SRGAP2: variants seen among roughly 807,000 people sequenced by gnomAD.
The protein encoded by SRGAP2 is SLIT-ROBO Rho GTPase activating protein 2, also known as SLIT-ROBO Rho GTPase-activating protein 2.
In SRGAP2, 15 loss-of-function variants were observed where a neutral mutation model predicts 57.2. That is an observed-to-expected ratio of 0.26 (90% CI 0.18 to 0.40). SRGAP2 has a LOEUF of 0.40. Among genes scored for constraint, SRGAP2 ranks in the 10% least tolerant of loss-of-function variants. SRGAP2 has a pLI of 1.00. For missense variants in SRGAP2, 520 were observed against 669.6 expected (o/e 0.78, Z 2.47); for synonymous variants, 249 against 248.0 (o/e 1.00, Z -0.04).
intron 2 of SRGAP2, among the ~76,000 whole-genome samples, chr1:206,227,401 C>T (rs1293573583): frequency 6.6e-6 from 1 of 152,144 alleles, no homozygotes; most frequent in Admixed American, 6.5e-5. Context: ...GTCTTCTCAA[C>T]TGTAGACCTT....
At chr1:206,318,525 A>G (rs1208520926) in intron 3 of SRGAP2, among the ~76,000 whole-genome samples, 1 of 152,232 alleles carries the variant, frequency 6.6e-6, no homozygotes, top group Non-Finnish European at 1.5e-5. Context: ...ACAAATACAC[A>G]GTGTATTAGG....
At chr1:206,338,829 C>G (rs1553334369) in intron 3 of SRGAP2, among the ~76,000 whole-genome samples, 1 of 130,494 alleles carries the variant, frequency 7.7e-6, no homozygotes, top group Non-Finnish European at 1.6e-5. Flanking sequence ...AAAAATCTTG[C>G]ATAGAGCCTC....
At chr1:206,458,481 G>T in intron 21 of SRGAP2, 142 bp from the exon 22 acceptor site, 1 of 715,164 alleles carries the variant, frequency 1.4e-6, no homozygotes, top group Non-Finnish European at 2.6e-6. Context: ...TGCAAGAGAA[G>T]ATGAAGCCGA....
intron 2 of SRGAP2, among the ~76,000 whole-genome samples, chr1:206,268,193 T>G (rs1377199696): frequency 2.6e-5 from 4 of 151,474 alleles, no homozygotes; most frequent in East Asian, 3.9e-4. Flanking sequence ...CCATTAACTC[T>G]TCATTTACAA....
At chr1:206,445,662 G>C (rs1662692679) in intron 17 of SRGAP2, among the ~76,000 whole-genome samples, 1 of 152,100 alleles carries the variant, frequency 6.6e-6, no homozygotes, top group Non-Finnish European at 1.5e-5. Flanking sequence ...TCTTTACCAG[G>C]GCAGCCTGAG....
chr1:206,319,014 A>G (rs1333996124), intron 3 of SRGAP2, among the ~76,000 whole-genome samples: 19 of 152,150 alleles, frequency 1.2e-4, no homozygotes, highest in African/African-American at 4.1e-4. Context: ...GACGCAACTC[A>G]GGTTTTTATG....
intron 14 of SRGAP2, among the ~76,000 whole-genome samples, chr1:206,434,057 TG>T (rs1661513267): frequency 6.6e-6 from 1 of 152,214 alleles, no homozygotes. Context: ...AAAATTTTTG[TG>T]TATAGGCATC....
chr1:206,331,849 T>C (rs1327682784), intron 3 of SRGAP2, among the ~76,000 whole-genome samples: 1 of 84,066 alleles, frequency 1.2e-5, no homozygotes, highest in Middle Eastern at 4.2e-3. Context: ...GATCCTGTCA[T>C]TATGATGTTA....
intron 22 of SRGAP2, 63 bp from the exon 23 acceptor site, chr1:206,460,974 A>G: frequency 1.5e-6 from 1 of 659,038 alleles, no homozygotes; most frequent in Non-Finnish European, 2.7e-6. Flanking sequence ...GTGTTGTTGA[A>G]ACCGGCTCCT....
intron 12 of SRGAP2, among the ~76,000 whole-genome samples, chr1:206,420,067 C>T (rs1052304703): frequency 1.3e-5 from 2 of 152,118 alleles, no homozygotes; most frequent in East Asian, 3.9e-4. Context: ...ATTCATTCAT[C>T]CAGCAGTTCT....
At chr1:206,283,675 C>CAA (rs1240979603) in intron 2 of SRGAP2, among the ~76,000 whole-genome samples, 1 of 120,402 alleles carries the variant, frequency 8.3e-6, no homozygotes, top group African/African-American at 3.1e-5. Context: ...GACTCTGTCT[C>CAA]AAAAAAAAAA....
chr1:206,386,161 G>C (rs2103071291), intron 5 of SRGAP2, among the ~76,000 whole-genome samples: 1 of 152,276 alleles, frequency 6.6e-6, no homozygotes, highest in East Asian at 1.9e-4. Flanking sequence ...CTAGAGGCCA[G>C]GGGTGCTGCT....
chr1:206,360,582 G>C (rs1410523811), intron 4 of SRGAP2, among the ~76,000 whole-genome samples: 1 of 152,200 alleles, frequency 6.6e-6, no homozygotes, highest in East Asian at 1.9e-4. Flanking sequence ...ATGGTGAGAA[G>C]TGGTCAAATT....
At chr1:206,278,425 T>C (rs1670544526) in intron 2 of SRGAP2, among the ~76,000 whole-genome samples, 1 of 142,930 alleles carries the variant, frequency 7.0e-6, no homozygotes, top group Non-Finnish European at 1.5e-5. Context: ...GATAGCTCAT[T>C]GCAGCCTCCA....
At chr1:206,220,840 TC>T (rs1175517285) in intron 2 of SRGAP2, among the ~76,000 whole-genome samples, 2 of 151,966 alleles carry the variant, frequency 1.3e-5, no homozygotes, top group African/African-American at 4.8e-5. Context: ...TCCTGTCCCC[TC>T]CCCTCCTCAC....
intron 15 of SRGAP2, among the ~76,000 whole-genome samples, chr1:206,437,285 C>T (rs577843509): frequency 2.7e-4 from 41 of 152,290 alleles, no homozygotes; most frequent in Non-Finnish European, 4.4e-4. Flanking sequence ...GATGATCTGC[C>T]AAAACCCAAG....
chr1:206,324,835 A>T (rs1289256441), intron 3 of SRGAP2, among the ~76,000 whole-genome samples: 1 of 152,130 alleles, frequency 6.6e-6, no homozygotes, highest in African/African-American at 2.4e-5. Flanking sequence ...TAAGGAAGAC[A>T]CTGGGGTCAT....
At position 206,205,824 on chromosome 1, in the gene SRGAP2, C is replaced by T. The variant is rs1162705485; in HGVS notation, c.-147C>T. ...CCGTAGCCGTCTGCCCAGCCCGCAG[C>T]CCGCGCTCCACGGAGCGCTGGAGAC... On this transcript the variant is annotated 5_prime_UTR_variant, in exon 2 of 23. Coordinates refer to ENST00000573034, the MANE Select transcript of SRGAP2 (RefSeq NM_015326.5). 3 of 688,766 alleles carry T rather than the reference C, an allele frequency of 4.4e-6. No individual in the cohort carries two copies. Among genetic ancestry groups the T allele is most frequent in the Middle Eastern group, 8.2e-4 (2 of 2,430 alleles). The allele number at this position is 688,766 out of a possible 1,614,324, so 42.7% of individuals were successfully genotyped here.
rs1332894191 is a variant in SRGAP2, at chr1:206,331,730, A to G, written c.261-11116A>G. ...TGCACGTGAGATGGGTTTCCTGAAT[A>G]CAGCACACTGATGGGTCTTGACTCT... is the stretch of plus-strand genomic sequence containing the variant. On this transcript the variant is annotated intron_variant, in intron 3 of 22. Coordinates refer to ENST00000573034, the MANE Select transcript of SRGAP2 (RefSeq NM_015326.5). 2.2e-4 allele frequency among the ~76,000 whole-genome samples: 23 copies of G among 102,472 alleles called. 1 individual carries two copies. Among genetic ancestry groups the G allele is most frequent in the Non-Finnish European group, 4.1e-4 (23 of 55,662 alleles). The allele number at this position is 102,472 out of a possible 152,430, so 67.2% of individuals were successfully genotyped here. A position where few individuals can be genotyped will look rare whatever the true frequency, so the allele number is the denominator to read the frequency against.
Sources: gnomAD v4.1 joint callset for allele counts (sites outside exome capture counted in the v4.1 genomes callset) on GRCh38, gnomAD v4.1.1 for gene constraint, MANE v1.5 for transcripts, NCBI Gene and HGNC (gene_info 2026-07-23, HGNC 2026-07-21) for gene names.